The following TRPM3 variants were observed in gnomAD, a reference collection of about 807,000 sequenced individuals.
TRPM3 encodes the protein transient receptor potential cation channel subfamily M member 3, also known as long transient receptor potential channel 3.
Under a neutral mutation model 181.2 loss-of-function variants are expected in TRPM3, and 77 were observed. The ratio of observed to expected loss-of-function variants is 0.42; its 90% CI spans 0.35 to 0.51. The LOEUF is 0.51. TRPM3 is among the 20% of genes least tolerant of loss of function. TRPM3 has a pLI of 0.01. For synonymous variants in TRPM3, 745 were observed against 796.4 expected (o/e 0.94, Z 1.09); for missense variants, 1,759 against 2,196.7 (o/e 0.80, Z 3.98).
At position 71,446,776 on chromosome 9, in the gene TRPM3, G is replaced by A. The variant is rs996041000; in HGVS notation, c.60C>T (p.Asp20=). The change falls in exon 1 of 25, where the codon GAC becomes GAT. Residue 20 remains aspartate (D), a synonymous_variant. Coordinates refer to the TRPM3 transcript ENST00000357533. ...GGCTGCGTCTGCGGCTCTCCGCGTT[G>A]TCCTCGCGGTCGGAGCAGCCCCGCT... 4.5e-6 allele frequency: 7 copies of A among 1,550,302 alleles called. No homozygotes were observed. In the African/African-American group the frequency reaches 9.6e-5, roughly 21 times the overall value.
intron 1 of TRPM3, among the ~76,000 whole-genome samples, chr9:71,433,666 A>G (rs1469247720): frequency 6.6e-6 from 1 of 152,238 alleles, no homozygotes; most frequent in Non-Finnish European, 1.5e-5. Context: ...ACTTTCCCAC[A>G]GATACAAATG....
At chr9:71,168,238 A>C (rs1257423973) in intron 1 of TRPM3, among the ~76,000 whole-genome samples, 1 of 152,178 alleles carries the variant, frequency 6.6e-6, no homozygotes, top group Non-Finnish European at 1.5e-5. Flanking sequence ...AACTGGAATG[A>C]CTTTCTGAAT....
At chr9:70,888,802 T>C (rs1455907378) in intron 1 of TRPM3, among the ~76,000 whole-genome samples, 3 of 152,122 alleles carry the variant, frequency 2.0e-5, no homozygotes, top group Non-Finnish European at 4.4e-5. Flanking sequence ...GGTGGTCATG[T>C]TTTTAGAATG....
intron 11 of TRPM3, 46 bp downstream of exon 11, chr9:70,639,010 AAAAC>A (rs755387125): frequency 6.9e-6 from 11 of 1,595,944 alleles, no homozygotes; most frequent in Non-Finnish European, 9.4e-6. Flanking sequence ...AGGAGAAGGT[AAAAC>A]AAACAGAAAA....
chr9:71,336,207 A>C (rs1353002085), intron 1 of TRPM3, among the ~76,000 whole-genome samples: 1 of 151,600 alleles, frequency 6.6e-6, no homozygotes, highest in East Asian at 1.9e-4. Context: ...TAGCAGGTTG[A>C]AAGAGCTGAC....
chr9:70,791,325 G>A (rs1248333449), intron 6 of TRPM3, among the ~76,000 whole-genome samples: 1 of 152,106 alleles, frequency 6.6e-6, no homozygotes, highest in Non-Finnish European at 1.5e-5. Flanking sequence ...TTAAACAGTC[G>A]ACACGCAACA....
At chr9:71,078,039 T>C (rs1476464834) in intron 1 of TRPM3, among the ~76,000 whole-genome samples, 1 of 151,920 alleles carries the variant, frequency 6.6e-6, no homozygotes, top group Non-Finnish European at 1.5e-5. Context: ...AGCTAGCAAC[T>C]CCGTCTCTAG....
At chr9:71,177,067 C>T (rs2077140146) in intron 1 of TRPM3, among the ~76,000 whole-genome samples, 1 of 152,076 alleles carries the variant, frequency 6.6e-6, no homozygotes, top group African/African-American at 2.4e-5. Context: ...CCTCCTGTCA[C>T]ATTAGCATTG....
chr9:70,668,318 A>G (rs1025882483), intron 9 of TRPM3, among the ~76,000 whole-genome samples: 4 of 152,172 alleles, frequency 2.6e-5, no homozygotes, highest in Admixed American at 2.0e-4. Flanking sequence ...TACTGCTAGT[A>G]CCTGCCCCAT....
chr9:70,535,859 A>G lies in TRPM3; in HGVS notation c.*94T>C. The G allele has an allele frequency of 6.6e-7, 1 of 1,517,792 alleles. No homozygotes were observed. Among genetic ancestry groups the G allele is most frequent in the African/African-American group, 1.4e-5 (1 of 71,860 alleles). 94.0% of individuals were successfully genotyped at this position (1,517,792 alleles called of 1,614,324 possible). A position where few individuals can be genotyped will look rare whatever the true frequency, so the allele number is the denominator to read the frequency against. On this transcript the variant is annotated 3_prime_UTR_variant, in exon 26 of 26. Coordinates refer to ENST00000677713, the MANE Select transcript of TRPM3 (RefSeq NM_001366145.2). Reference sequence around the variant, plus strand: ...TGCTTGTTTTGCTCAGCTAAGAATAAAGCAGGTATGATTCAAGGAAAGGGG... The same window carrying G: ...TGCTTGTTTTGCTCAGCTAAGAATAGAGCAGGTATGATTCAAGGAAAGGGG...
chr9:70,836,036 A>G (rs1409613216), intron 5 of TRPM3, among the ~76,000 whole-genome samples: 3 of 152,166 alleles, frequency 2.0e-5, no homozygotes, highest in Non-Finnish European at 4.4e-5. Flanking sequence ...CTCTACAGAA[A>G]TGTGAATATT....
intron 1 of TRPM3, among the ~76,000 whole-genome samples, chr9:71,291,433 T>A (rs2085800480): frequency 6.6e-6 from 1 of 152,154 alleles, no homozygotes; most frequent in Non-Finnish European, 1.5e-5. Context: ...TTTTGTAGAT[T>A]AGACATTGCC....
chr9:71,245,522 T>C (rs764250998), intron 1 of TRPM3, among the ~76,000 whole-genome samples: 1 of 151,756 alleles, frequency 6.6e-6, no homozygotes, highest in East Asian at 1.9e-4. Flanking sequence ...AAGGAATGAA[T>C]GCTCTTGAAG....
chr9:70,558,412 TGA>T (rs2048262575), intron 22 of TRPM3, among the ~76,000 whole-genome samples: 1 of 152,202 alleles, frequency 6.6e-6, no homozygotes, highest in Admixed American at 6.5e-5. Context: ...ACCTCATTGC[TGA>T]GAGACTGCAT....
chr9:71,165,316 T>C (rs1355740334), intron 1 of TRPM3, among the ~76,000 whole-genome samples: 1 of 152,032 alleles, frequency 6.6e-6, no homozygotes, highest in Non-Finnish European at 1.5e-5. Flanking sequence ...TAAGCATCAC[T>C]GAAGTGTTTG....
At chr9:71,399,731 C>T (rs2093297463) in intron 1 of TRPM3, among the ~76,000 whole-genome samples, 1 of 151,958 alleles carries the variant, frequency 6.6e-6, no homozygotes, top group Non-Finnish European at 1.5e-5. Context: ...CAAGGTTTCA[C>T]CATGTTAGCC....
At chr9:70,687,729 T>C (rs1472910704) in intron 8 of TRPM3, among the ~76,000 whole-genome samples, 1 of 152,212 alleles carries the variant, frequency 6.6e-6, no homozygotes, top group Non-Finnish European at 1.5e-5. Context: ...CCAGCTTTCC[T>C]GTGTATGTGC....
intron 8 of TRPM3, among the ~76,000 whole-genome samples, chr9:70,687,288 A>G (rs1391252513): frequency 6.6e-6 from 1 of 152,198 alleles, no homozygotes; most frequent in Admixed American, 6.5e-5. Flanking sequence ...ATAGGCATAT[A>G]TGCTCATTCT....
chr9:70,625,544 A>C lies in TRPM3; in HGVS notation c.1633-27T>G. ...TTGGAAAGAAGACATAAGTTAAATA[A>C]GAAGATGCAGTAATCGTCGGCAATA... is the stretch of plus-strand genomic sequence containing the variant. On this transcript the variant is annotated intron_variant, in intron 12 of 25. Transcript: ENST00000677713. The surrounding 1 kb of genome is among the most constrained non-coding windows in gnomAD (Gnocchi z 4.8). 1 of 1,604,282 alleles carries C rather than the reference A, an allele frequency of 6.2e-7. No individual in the cohort carries two copies. The highest frequency in any genetic ancestry group is 1.3e-5 in the African/African-American group (1 of 74,342).
Sources: gnomAD v4.1 joint callset for allele counts (sites outside exome capture counted in the v4.1 genomes callset) on GRCh38, gnomAD v4.1.1 for gene constraint, Gnocchi (gnomAD v3.1) non-coding constraint, MANE v1.5 for transcripts, NCBI Gene and HGNC (gene_info 2026-07-23, HGNC 2026-07-21) for gene names.